Variants in BAZ2B observed in about 807,000 individuals in gnomAD.
BAZ2B encodes the protein bromodomain adjacent to zinc finger domain protein 2B.
Under a neutral mutation model 246.0 loss-of-function variants are expected in BAZ2B, and 91 were observed. The observed-to-expected ratio is 0.37, with a 90% CI of 0.31 to 0.44. BAZ2B has a LOEUF of 0.44. Ranked by LOEUF, BAZ2B falls within the 20% of genes least tolerant of loss-of-function variation. The pLI, the probability that BAZ2B is intolerant of heterozygous loss-of-function variation, is 1.00. For missense variants in BAZ2B, 2,332 were observed against 2,533.7 expected, an observed-to-expected ratio of 0.92 and a Z score of 1.71; for synonymous variants, 855 against 860.0, an observed-to-expected ratio of 0.99 and a Z score of 0.10.
chr2:159,453,717 A>T lies in BAZ2B; in HGVS notation c.230T>A (p.Phe77Tyr). Residue 77 changes from phenylalanine (F) to tyrosine (Y), a missense_variant, in exon 4 of 37, where the codon TTT becomes TAT. This residue lies in a region of BAZ2B where 242 missense variants were observed against 237.4 expected (regional missense o/e 1.02). Coordinates refer to ENST00000392783, the MANE Select transcript of BAZ2B (RefSeq NM_013450.4). The part of the protein sequence containing the change: ...SAFPMVSHPV[F>Y]GLHSASSGHS... ...CCCTGAGCTGGCTGAATGTAGACCA[A>T]AGACTGGGTGGCTGACCATTGGGAA... is the stretch of plus-strand genomic sequence containing the variant. 1 of 1,613,824 alleles carries T rather than the reference A, an allele frequency of 6.2e-7. No homozygotes were observed. Among genetic ancestry groups the T allele is most frequent in the Non-Finnish European group, 8.5e-7 (1 of 1,179,876 alleles).
the BAZ2B span, among the ~76,000 whole-genome samples, chr2:159,654,939 T>G: frequency 6.6e-6 from 1 of 152,188 alleles, no homozygotes; most frequent in African/African-American, 2.4e-5. Context: ...TAAAATAGCA[T>G]ATATTCTGTA....
the BAZ2B span, among the ~76,000 whole-genome samples, chr2:159,707,818 C>T: frequency 6.6e-6 from 1 of 151,354 alleles, no homozygotes; most frequent in Non-Finnish European, 1.5e-5. Context: ...CAGAGCAAGA[C>T]TCCATCTCAA....
the BAZ2B span, among the ~76,000 whole-genome samples, chr2:159,660,638 C>G: frequency 6.6e-6 from 1 of 152,138 alleles, no homozygotes; most frequent in South Asian, 2.1e-4. Context: ...GAGACAGAGT[C>G]TCACTCTGTT....
intron 6 of BAZ2B, among the ~76,000 whole-genome samples, chr2:159,441,525 GAA>G (rs3836179): frequency 0.46 from 69,766 of 151,886 alleles, 17,387 homozygotes; most frequent in Middle Eastern, 0.59. Context: ...GAGAAATAGG[GAA>G]AAAAGATGGG....
chr2:159,595,304 G>A (rs1690432489), intron 1 of BAZ2B, among the ~76,000 whole-genome samples: 1 of 151,944 alleles, frequency 6.6e-6, no homozygotes, highest in African/African-American at 2.4e-5. Context: ...GTTTCTCCAT[G>A]TTGGTCAGGC....
In BAZ2B at chr2:159,432,904, T is replaced by C. The variant is rs1040243555; in HGVS notation, c.1753A>G (p.Lys585Glu). 1.2e-6 allele frequency: 2 copies of C among 1,614,164 alleles called. No individual in the cohort carries two copies. Among genetic ancestry groups the C allele is most frequent in the Non-Finnish European group, 1.7e-6 (2 of 1,180,016 alleles). Residue 585 changes from lysine (K) to glutamate (E), a missense_variant, in exon 9 of 37, where the codon AAA becomes GAA. Lys to Glu is a moderately conservative substitution (Grantham distance 56, BLOSUM62 1). Coordinates refer to ENST00000392783, the MANE Select transcript of BAZ2B (RefSeq NM_013450.4). ...CCTCTGAATTGTTCCACTAAAGATT[T>C]TGCAGGATGGGAGTGATGCTGTGTT... ...VKTQHHSHPA[K>E]SLVEQFRGTD...
intron 16 of BAZ2B, among the ~76,000 whole-genome samples, chr2:159,400,873 T>C (rs1017912962): frequency 6.6e-6 from 1 of 152,068 alleles, no homozygotes; most frequent in African/African-American, 2.4e-5. Context: ...ACCTCGTCTC[T>C]ACTAAAAATA....
intron 36 of BAZ2B, among the ~76,000 whole-genome samples, chr2:159,324,177 A>G (rs905179299): frequency 6.6e-6 from 1 of 152,148 alleles, no homozygotes; most frequent in Non-Finnish European, 1.5e-5. Flanking sequence ...ATTAAAATAT[A>G]TATTGTATGA....
At chr2:159,584,556 T>C (rs1032245313) in intron 1 of BAZ2B, among the ~76,000 whole-genome samples, 9 of 152,188 alleles carry the variant, frequency 5.9e-5, no homozygotes, top group Admixed American at 4.6e-4. Context: ...GTGAAGGTGA[T>C]GAAAAGTGGT....
At chr2:159,705,081 C>G in the BAZ2B span, among the ~76,000 whole-genome samples, 18 of 150,324 alleles carry the variant, frequency 1.2e-4, no homozygotes, top group Non-Finnish European at 5.9e-5. Flanking sequence ...AGTGCAGTGG[C>G]GCAATCTCAG....
At chr2:159,374,152 C>T (rs1320909984) in intron 26 of BAZ2B, among the ~76,000 whole-genome samples, 1 of 149,772 alleles carries the variant, frequency 6.7e-6, no homozygotes, top group African/African-American at 2.5e-5. Context: ...TCAAACGATC[C>T]TCTCACCTCA....
intron 2 of BAZ2B, among the ~76,000 whole-genome samples, chr2:159,497,398 C>A (rs987803464): frequency 6.6e-6 from 1 of 152,206 alleles, no homozygotes; most frequent in Non-Finnish European, 1.5e-5. Flanking sequence ...CAGGCTTCCT[C>A]TTTACAGACT....
At position 159,482,139 on chromosome 2, in the gene BAZ2B, A is replaced by C. The variant is rs1432195972; in HGVS notation, c.-2-3418T>G. On this transcript the variant is annotated intron_variant, in intron 2 of 36. Coordinates refer to ENST00000392783, the MANE Select transcript of BAZ2B (RefSeq NM_013450.4). ...AATAAAAAGTAAAAAAACAAACAAA[A>C]AAAAAACCCACAAAGTCTTCCATAT... is the stretch of plus-strand genomic sequence containing the variant. Among the ~76,000 whole-genome samples, 6 of 150,014 alleles carry C rather than the reference A, an allele frequency of 4.0e-5. 1 individual carries two copies. Among genetic ancestry groups the C allele is most frequent in the East Asian group, 1.9e-4 (1 of 5,136 alleles).
the BAZ2B span, among the ~76,000 whole-genome samples, chr2:159,666,463 GT>G: frequency 1.4e-4 from 22 of 152,040 alleles, no homozygotes; most frequent in Non-Finnish European, 5.9e-5. Context: ...GTTTCACCAT[GT>G]TGCCCAGGCT....
chr2:159,615,848 G>GA (rs1695950792), intron 1 of BAZ2B: 1 of 152,420 alleles, frequency 6.6e-6, no homozygotes, highest in Non-Finnish European at 1.5e-5. Flanking sequence ...GACTCGCGGC[G>GA]GCAGCGCCTG....
Position 159,398,880 on chromosome 2 carries a change from C to T in BAZ2B, c.2913G>A (p.Lys971=), listed in dbSNP as rs1363826375. 1 of 1,610,742 alleles carries T rather than the reference C, an allele frequency of 6.2e-7. No individual in the cohort carries two copies. The change falls in exon 18 of 37, where the codon AAG becomes AAA. Residue 971 remains lysine, a synonymous_variant. Transcript: ENST00000392783. The part of the protein sequence containing the change: ...AQQILEAKKK[K]KEEAANAKLL... ...ATTTGGCATTTGCCGCTTCTTCCTT[C>T]TTTTTCTTTTTAGCCTGTGCATGCA...
At chr2:159,414,908 A>G (rs1251723281) in intron 13 of BAZ2B, among the ~76,000 whole-genome samples, 2 of 152,124 alleles carry the variant, frequency 1.3e-5, no homozygotes, top group Non-Finnish European at 2.9e-5. Context: ...TTATATATTA[A>G]AAGTATAATA....
chr2:159,535,334 C>T (rs1449669418), intron 2 of BAZ2B, among the ~76,000 whole-genome samples: 1 of 143,358 alleles, frequency 7.0e-6, no homozygotes, highest in East Asian at 1.9e-4. Flanking sequence ...CCAGCCTGGT[C>T]AATATGGTGA....
chr2:159,375,474 G>C (rs1487945082), intron 25 of BAZ2B, among the ~76,000 whole-genome samples: 1 of 152,174 alleles, frequency 6.6e-6, no homozygotes, highest in East Asian at 1.9e-4. Context: ...TAGGAGATGA[G>C]GCAAGATGAG....
Sources: allele counts gnomAD v4.1 joint callset (sites outside exome capture counted in the v4.1 genomes callset), GRCh38; gene constraint gnomAD v4.1.1; regional missense constraint gnomAD v4.1.1; transcripts MANE v1.5; gene names NCBI Gene and HGNC (gene_info 2026-07-23, HGNC 2026-07-21).